The following KCNJ6 variants were observed in gnomAD, a reference collection of about 807,000 sequenced individuals.
KCNJ6 encodes the protein potassium inwardly rectifying channel subfamily J member 6, also known as G protein-activated inward rectifier potassium channel 2.
KCNJ6 carries 9 observed loss-of-function variants against 34.2 expected under a neutral mutation model. That is an observed-to-expected ratio of 0.26 (90% CI 0.16 to 0.46). The LOEUF (loss-of-function observed/expected upper bound fraction) is 0.46, where lower values mean the gene tolerates loss of function less well. Ranked by LOEUF, KCNJ6 falls within the 20% of genes least tolerant of loss-of-function variation. The pLI is 1.00. For missense variants in KCNJ6, 236 were observed against 531.3 expected (o/e 0.44, Z 5.46); for synonymous variants, 196 against 207.1 (o/e 0.95, Z 0.46).
chr21:37,649,490 C>T (rs989526868), intron 3 of KCNJ6, among the ~76,000 whole-genome samples: 2 of 152,186 alleles, frequency 1.3e-5, no homozygotes, highest in Non-Finnish European at 2.9e-5. Context: ...AATCCCATGA[C>T]GAAACCCAGG....
At chr21:37,763,906 CAA>C (rs2055078236) in intron 2 of KCNJ6, among the ~76,000 whole-genome samples, 2 of 152,122 alleles carry the variant, frequency 1.3e-5, no homozygotes, top group African/African-American at 4.8e-5. Flanking sequence ...TCATATGTAA[CAA>C]ACCTGCATGT....
intron 3 of KCNJ6, among the ~76,000 whole-genome samples, chr21:37,713,509 G>T (rs2054773692): frequency 6.6e-6 from 1 of 152,074 alleles, no homozygotes; most frequent in African/African-American, 2.4e-5. Flanking sequence ...CATGAGCGAA[G>T]ACGTCAGTAA....
At chr21:37,844,632 G>A (rs540941695) in intron 1 of KCNJ6, among the ~76,000 whole-genome samples, 38 of 152,112 alleles carry the variant, frequency 2.5e-4, no homozygotes, top group Non-Finnish European at 3.7e-4. Flanking sequence ...CCTGCAATCC[G>A]TGACCATTTT....
intron 1 of KCNJ6, among the ~76,000 whole-genome samples, chr21:37,870,224 C>G (rs1265411346): frequency 6.7e-6 from 1 of 148,776 alleles, no homozygotes; most frequent in Non-Finnish European, 1.5e-5. Context: ...CCCCCGCCCC[C>G]ACCCCCCGGC....
intron 2 of KCNJ6, among the ~76,000 whole-genome samples, chr21:37,736,946 G>T (rs564245236): frequency 6.6e-6 from 1 of 152,208 alleles, no homozygotes; most frequent in Non-Finnish European, 1.5e-5. Context: ...CTGGGCTGTT[G>T]CAGTTGACTG....
chr21:37,748,526 T>G, intron 2 of KCNJ6, among the ~76,000 whole-genome samples: 1 of 151,946 alleles, frequency 6.6e-6, no homozygotes, highest in East Asian at 1.9e-4. Flanking sequence ...CAGAGCTTGG[T>G]TTTGTGGTAG....
chr21:37,801,539 C>T (rs2055269284), intron 2 of KCNJ6, among the ~76,000 whole-genome samples: 1 of 152,200 alleles, frequency 6.6e-6, no homozygotes, highest in African/African-American at 2.4e-5. Flanking sequence ...GGGCTCACCA[C>T]CCTCCTTGGG....
At chr21:37,897,651 C>T (rs2055795477) in intron 1 of KCNJ6, among the ~76,000 whole-genome samples, 1 of 152,140 alleles carries the variant, frequency 6.6e-6, no homozygotes, top group South Asian at 2.1e-4. Context: ...CCCTCTAGTC[C>T]CTCACTTTTC....
chr21:37,787,969 T>C (rs1355844709), intron 2 of KCNJ6, among the ~76,000 whole-genome samples: 4 of 152,182 alleles, frequency 2.6e-5, no homozygotes, highest in African/African-American at 9.7e-5. Flanking sequence ...TAGGAAGATA[T>C]CTTCTTTAAG....
chr21:37,845,428 T>C (rs1408522898), intron 1 of KCNJ6, among the ~76,000 whole-genome samples: 1 of 152,064 alleles, frequency 6.6e-6, no homozygotes, highest in Non-Finnish European at 1.5e-5. Flanking sequence ...GTATAAGAGT[T>C]TGGAAGCCTG....
chr21:37,852,662 A>AAAT (rs1308244300), intron 1 of KCNJ6, among the ~76,000 whole-genome samples: 1 of 152,240 alleles, frequency 6.6e-6, no homozygotes, highest in Non-Finnish European at 1.5e-5. Context: ...TTTCAGTAAA[A>AAAT]AATTACCTGT....
At chr21:37,682,386 A>T (rs2054594629) in intron 3 of KCNJ6, among the ~76,000 whole-genome samples, 1 of 152,192 alleles carries the variant, frequency 6.6e-6, no homozygotes. Context: ...TCAGTCTAAA[A>T]ATTAAACTAT....
chr21:37,892,239 T>C (rs1268460173), intron 1 of KCNJ6, among the ~76,000 whole-genome samples: 1 of 152,108 alleles, frequency 6.6e-6, no homozygotes, highest in African/African-American at 2.4e-5. Flanking sequence ...TCATTTCAGG[T>C]CAAATGGGGC....
rs35123727 is a variant in KCNJ6 at position 37,607,485 on chromosome 21, T to TATATACA, written c.*17673_*17674insTGTATAT. The TATATACA allele has an allele frequency of 1.4e-5, 2 of 147,266 alleles. No homozygotes were observed. Among genetic ancestry groups the TATATACA allele is most frequent in the African/African-American group, 4.9e-5 (2 of 40,540 alleles). 9.1% of individuals were successfully genotyped at this position (147,266 alleles called of 1,614,324 possible). On this transcript the variant is annotated 3_prime_UTR_variant, in exon 4 of 4. Coordinates refer to ENST00000609713, the MANE Select transcript of KCNJ6 (RefSeq NM_002240.5). ...AAAGATATATATATATATATATATT[T>TATATACA]TTTTTTTATTTTAAAAAAATTTGGC...
intron 3 of KCNJ6, among the ~76,000 whole-genome samples, chr21:37,685,680 CCAAAAAAA>C (rs1389178295): frequency 0.4 from 6,981 of 17,552 alleles, 1,413 homozygotes; most frequent in South Asian, 0.63. Context: ...GACTCTGTCT[CCAAAAAAA>C]AAAAAAAAAA....
chr21:37,623,682 TTTTA>T lies in KCNJ6; in HGVS notation c.*1473_*1476del, dbSNP rs1347824108. ...TTAAAGTGAATTAAGGCTGGAATTTTTTTATTTGTTTTCTTTTGATTGACAGACA... is the reference window on the plus strand; with the variant it reads ...TTAAAGTGAATTAAGGCTGGAATTTTTTTGTTTTCTTTTGATTGACAGACA... On this transcript the variant is annotated 3_prime_UTR_variant, in exon 4 of 4. Transcript: ENST00000609713. The T allele has an allele frequency of 6.6e-6, 1 of 152,204 alleles. No individual in the cohort carries two copies. Among genetic ancestry groups the T allele is most frequent in the Admixed American group, 6.5e-5 (1 of 15,278 alleles). The allele number at this position is 152,204 out of a possible 1,614,324, so 9.4% of individuals were successfully genotyped here.
chr21:37,857,152 C>T (rs2055569419), intron 1 of KCNJ6, among the ~76,000 whole-genome samples: 1 of 152,040 alleles, frequency 6.6e-6, no homozygotes, highest in Non-Finnish European at 1.5e-5. Flanking sequence ...GTAAAGATAC[C>T]AAGAAACTGA....
At chr21:37,737,196 C>T (rs2054917565) in intron 2 of KCNJ6, among the ~76,000 whole-genome samples, 1 of 152,102 alleles carries the variant, frequency 6.6e-6, no homozygotes, top group South Asian at 2.1e-4. Flanking sequence ...TTTCATATTG[C>T]CTCTCTCTGG....
chr21:37,886,351 C>T (rs1167850391), intron 1 of KCNJ6, among the ~76,000 whole-genome samples: 3 of 152,154 alleles, frequency 2.0e-5, no homozygotes, highest in East Asian at 3.9e-4. Flanking sequence ...TGCCTGGTGA[C>T]AGCCAGACAC....
Sources: gnomAD v4.1 joint callset for allele counts (sites outside exome capture counted in the v4.1 genomes callset) on GRCh38, gnomAD v4.1.1 for gene constraint, MANE v1.5 for transcripts, NCBI Gene and HGNC (gene_info 2026-07-23, HGNC 2026-07-21) for gene names.